Variants in CDH12 observed in about 807,000 individuals in gnomAD.
CDH12 encodes cadherin 12.
A neutral mutation model predicts 74.1 loss-of-function variants in CDH12; 41 were observed. The observed-to-expected ratio is 0.55, with a 90% CI of 0.43 to 0.72. CDH12 has a LOEUF of 0.72. CDH12 is among the 30% of genes least tolerant of loss of function. The probability of loss-of-function intolerance (pLI) is 0.00; values close to 1 mark genes in which losing one functional copy is unlikely to be tolerated. For missense variants in CDH12, 945 were observed against 977.2 expected (o/e 0.97, Z 0.44); for synonymous variants, 399 against 355.0 (o/e 1.12, Z -1.39).
intron 1 of CDH12, among the ~76,000 whole-genome samples, chr5:22,836,213 C>CTCTTTTTTTTTTT (rs1402972549): frequency 2.6e-5 from 1 of 37,956 alleles, no homozygotes; most frequent in Non-Finnish European, 5.3e-5. Context: ...TTCTTTTTTT[C>CTCTTTTTTTTTTT]TTTCTTTCTC....
At chr5:22,424,209 T>G (rs915430202) in intron 2 of CDH12, among the ~76,000 whole-genome samples, 2 of 152,078 alleles carry the variant, frequency 1.3e-5, no homozygotes, top group Non-Finnish European at 2.9e-5. Flanking sequence ...TCTTACCATG[T>G]ATCTGTGAAT....
chr5:22,616,685 A>G (rs1424390204), intron 1 of CDH12, among the ~76,000 whole-genome samples: 1 of 152,060 alleles, frequency 6.6e-6, no homozygotes, highest in Admixed American at 6.6e-5. Flanking sequence ...AGAAAGTAGG[A>G]AAGGGGAGGG....
Position 21,859,382 on chromosome 5 carries a change from A to G in CDH12, c.527-4592T>C, listed in dbSNP as rs1750915219. 3.3e-5 allele frequency among the ~76,000 whole-genome samples: 5 copies of G among 151,960 alleles called. No individual in the cohort carries two copies. In the South Asian group the frequency reaches 1.0e-3, roughly 32 times the overall value. Reference sequence around the variant, plus strand: ...TTATAAGAACATCAGATTTCATGAAAACCCACTCACTATCATGAGAACAGC... The same window carrying G: ...TTATAAGAACATCAGATTTCATGAAGACCCACTCACTATCATGAGAACAGC... On this transcript the variant is annotated intron_variant, in intron 6 of 14. Transcript: ENST00000382254.
At chr5:22,246,651 G>T (rs1213298519) in intron 3 of CDH12, among the ~76,000 whole-genome samples, 6 of 152,080 alleles carry the variant, frequency 3.9e-5, no homozygotes, top group Admixed American at 2.0e-4. Context: ...TCTACATTTT[G>T]GCTAATTACG....
intron 5 of CDH12, among the ~76,000 whole-genome samples, chr5:22,037,029 G>T (rs1006448221): frequency 6.6e-6 from 1 of 152,140 alleles, no homozygotes; most frequent in African/African-American, 2.4e-5. Flanking sequence ...AGAACTGAGA[G>T]TACAAGGAGA....
intron 2 of CDH12, among the ~76,000 whole-genome samples, chr5:22,451,055 T>C (rs1013614461): frequency 2.6e-5 from 4 of 151,824 alleles, no homozygotes; most frequent in Admixed American, 6.6e-5. Flanking sequence ...AACTACCTAG[T>C]GATTCTCTGT....
At chr5:22,470,985 AGAAGTG>A (rs1745936846) in intron 2 of CDH12, among the ~76,000 whole-genome samples, 1 of 152,174 alleles carries the variant, frequency 6.6e-6, no homozygotes, top group South Asian at 2.1e-4. Flanking sequence ...GGCATGTCCA[AGAAGTG>A]GACCCTTAAT....
chr5:22,398,952 A>G (rs1346118192), intron 3 of CDH12, among the ~76,000 whole-genome samples: 4 of 152,046 alleles, frequency 2.6e-5, no homozygotes, highest in Non-Finnish European at 1.5e-5. Context: ...ACATAGCCCT[A>G]TGAAGGACTG....
intron 3 of CDH12, among the ~76,000 whole-genome samples, chr5:22,249,955 G>A (rs1356426976): frequency 6.6e-6 from 1 of 152,054 alleles, no homozygotes; most frequent in Non-Finnish European, 1.5e-5. Flanking sequence ...AGGGATTTAT[G>A]AGAAGCCAGT....
intron 3 of CDH12, among the ~76,000 whole-genome samples, chr5:22,312,921 T>C (rs568225556): frequency 6.6e-6 from 1 of 152,322 alleles, no homozygotes; most frequent in East Asian, 1.9e-4. Context: ...ACTTTCCCCT[T>C]CAAGCTTTTC....
At chr5:22,737,728 TG>T (rs1225700691) in intron 1 of CDH12, among the ~76,000 whole-genome samples, 3 of 152,088 alleles carry the variant, frequency 2.0e-5, no homozygotes, top group African/African-American at 4.8e-5. Flanking sequence ...ATGTAATAAC[TG>T]TTCAAAATAT....
intron 4 of CDH12, among the ~76,000 whole-genome samples, chr5:22,188,176 A>C (rs1195879274): frequency 6.6e-6 from 1 of 151,718 alleles, no homozygotes; most frequent in Non-Finnish European, 1.5e-5. Flanking sequence ...CTGTGATCCT[A>C]GTAGTGAGTT....
intron 8 of CDH12, among the ~76,000 whole-genome samples, chr5:21,835,862 T>G (rs1749501852): frequency 6.6e-6 from 1 of 151,868 alleles, no homozygotes; most frequent in Admixed American, 6.6e-5. Flanking sequence ...TAGTTTTAAC[T>G]GAATAAATGT....
At chr5:21,937,328 T>C (rs1755118233) in intron 6 of CDH12, among the ~76,000 whole-genome samples, 1 of 152,058 alleles carries the variant, frequency 6.6e-6, no homozygotes, top group African/African-American at 2.4e-5. Context: ...CTTTTTAGTT[T>C]GAAAAGAAGT....
intron 3 of CDH12, among the ~76,000 whole-genome samples, chr5:22,281,217 C>T (rs1304855793): frequency 2.0e-5 from 3 of 152,016 alleles, no homozygotes; most frequent in South Asian, 2.1e-4. Context: ...ATTGGTGGGA[C>T]GTTATCTCAA....
In CDH12 at chr5:22,694,753, G is replaced by A. The variant is rs1340330859; in HGVS notation, c.-523+158305C>T. Among the ~76,000 whole-genome samples, 5 of 151,522 alleles carry A rather than the reference G, an allele frequency of 3.3e-5. No individual in the cohort carries two copies. In the East Asian group the frequency reaches 5.8e-4, roughly 18 times the overall value. ...TCTTTCAATTTCCTTTTAAATTAAT[G>A]TTTTAAGTTACTATGGCATATATAT... is the stretch of plus-strand genomic sequence containing the variant. On this transcript the variant is annotated intron_variant, in intron 1 of 14. Transcript: ENST00000382254.
intron 3 of CDH12, among the ~76,000 whole-genome samples, chr5:22,335,834 G>A (rs781294463): frequency 7.2e-5 from 11 of 152,050 alleles, no homozygotes; most frequent in Admixed American, 6.6e-5. Context: ...CAGTAGAGTG[G>A]GGCACCACTG....
At chr5:22,782,399 T>C (rs185402983) in intron 1 of CDH12, among the ~76,000 whole-genome samples, 1 of 152,120 alleles carries the variant, frequency 6.6e-6, no homozygotes, top group Non-Finnish European at 1.5e-5. Flanking sequence ...TCTCATGAGA[T>C]CTGATGGTTT....
rs1295826411 is a variant in CDH12, at chr5:22,680,759, A to G, written c.-523+172299T>C. Among the ~76,000 whole-genome samples, 12 of 151,868 alleles carry G rather than the reference A, an allele frequency of 7.9e-5. No individual in the cohort carries two copies. The South Asian group carries it at 2.5e-3, about 31-fold the overall frequency. On this transcript the variant is annotated intron_variant, in intron 1 of 14. Coordinates refer to ENST00000382254, the MANE Select transcript of CDH12 (RefSeq NM_004061.5). Reference sequence around the variant, plus strand: ...AATACGTACTACTAACTGTTCATCTATATCTTATTCACAATCTCTCTCTTC... The same window carrying G: ...AATACGTACTACTAACTGTTCATCTGTATCTTATTCACAATCTCTCTCTTC...
Sources: allele counts gnomAD v4.1 joint callset (sites outside exome capture counted in the v4.1 genomes callset), GRCh38; gene constraint gnomAD v4.1.1; transcripts MANE v1.5; gene names NCBI Gene and HGNC (gene_info 2026-07-23, HGNC 2026-07-21).